LINGO2: variants seen among roughly 807,000 people sequenced by gnomAD.
LINGO2 encodes the protein leucine-rich repeat and immunoglobulin-like domain-containing nogo receptor-interacting protein 2.
Under a neutral mutation model 30.6 loss-of-function variants are expected in LINGO2, and 14 were observed. The ratio of observed to expected loss-of-function variants is 0.46; its 90% CI spans 0.30 to 0.72. The LOEUF is 0.72. LINGO2 is among the 30% of genes least tolerant of loss of function. The pLI, the probability that LINGO2 is intolerant of heterozygous loss-of-function variation, is 0.07. For missense variants in LINGO2, 729 were observed against 751.7 expected (o/e 0.97, Z 0.35); for synonymous variants, 317 against 288.5 (o/e 1.10, Z -1.00).
intron 3 of LINGO2, among the ~76,000 whole-genome samples, chr9:28,371,903 T>G (rs1564156742): frequency 6.6e-6 from 1 of 152,114 alleles, no homozygotes; most frequent in Non-Finnish European, 1.5e-5. Flanking sequence ...CCTGTTAGAA[T>G]AGGTGAAGGT....
the LINGO2 span, among the ~76,000 whole-genome samples, chr9:28,995,029 T>G: frequency 6.6e-6 from 1 of 151,724 alleles, no homozygotes; most frequent in Admixed American, 6.6e-5. Flanking sequence ...GGGATCTAAT[T>G]AAACTAAAGA....
At chr9:28,630,891 GAAA>G (rs66593842) in intron 1 of LINGO2, among the ~76,000 whole-genome samples, 1 of 140,430 alleles carries the variant, frequency 7.1e-6, no homozygotes, top group South Asian at 2.3e-4. Flanking sequence ...TGCACATAAA[GAAA>G]AAAAAAAAAG....
chr9:28,003,382 GATAT>G (rs1221269474), intron 5 of LINGO2, among the ~76,000 whole-genome samples: 101 of 137,088 alleles, frequency 7.4e-4, no homozygotes, highest in Middle Eastern at 3.6e-3. Context: ...TAGATAGATA[GATAT>G]AGAGAGAGAG....
At chr9:28,351,710 T>C (rs1819901839) in intron 3 of LINGO2, among the ~76,000 whole-genome samples, 1 of 151,784 alleles carries the variant, frequency 6.6e-6, no homozygotes, top group African/African-American at 2.4e-5. Context: ...AAGAGAATTT[T>C]AGACCAATAT....
intron 1 of LINGO2, among the ~76,000 whole-genome samples, chr9:28,607,760 C>G (rs547422452): frequency 6.6e-6 from 1 of 152,072 alleles, no homozygotes; most frequent in South Asian, 2.1e-4. Flanking sequence ...CCTAGTTGGT[C>G]ATGGGTCAAT....
chr9:29,044,605 A>G, the LINGO2 span, among the ~76,000 whole-genome samples: 1 of 152,128 alleles, frequency 6.6e-6, no homozygotes, highest in Non-Finnish European at 1.5e-5. Context: ...AATTTATTGT[A>G]AAGGGATATT....
the LINGO2 span, among the ~76,000 whole-genome samples, chr9:29,127,117 A>G: frequency 1.3e-5 from 2 of 152,124 alleles, no homozygotes; most frequent in African/African-American, 4.8e-5. Flanking sequence ...GGTATAACCA[A>G]GTAACCAACG....
intron 4 of LINGO2, among the ~76,000 whole-genome samples, chr9:28,047,985 A>G (rs1240669019): frequency 6.7e-6 from 1 of 150,098 alleles, no homozygotes; most frequent in Non-Finnish European, 1.5e-5. Flanking sequence ...GAAAAGTGTG[A>G]CTGTAATAGA....
At chr9:28,033,657 A>T (rs1010171098) in intron 4 of LINGO2, among the ~76,000 whole-genome samples, 1 of 152,188 alleles carries the variant, frequency 6.6e-6, no homozygotes, top group Non-Finnish European at 1.5e-5. Context: ...GCAAAAAAAA[A>T]ATTACTTCAA....
intron 1 of LINGO2, among the ~76,000 whole-genome samples, chr9:28,636,518 A>G (rs1286636089): frequency 6.6e-6 from 1 of 152,150 alleles, no homozygotes. Flanking sequence ...TTGCCATTCT[A>G]ACTGGTGTGA....
In LINGO2 at chr9:28,304,502, T is replaced by G. The variant is rs73431348; in HGVS notation, c.-245-9136A>C. Among the ~76,000 whole-genome samples, 1,277 of 152,098 alleles carry G rather than the reference T, an allele frequency of 8.4e-3. 23 individuals are homozygous for G. The highest frequency in any genetic ancestry group is 0.029 in the African/African-American group (1,215 of 41,538). ...CCTGAAACCAACACTTAAATCAGGATATAGAATATTTCTGCACCCCAGAAA... is the reference window on the plus strand; with the variant it reads ...CCTGAAACCAACACTTAAATCAGGAGATAGAATATTTCTGCACCCCAGAAA... On this transcript the variant is annotated intron_variant, in intron 3 of 5. Transcript: ENST00000379992.
At chr9:29,154,449 C>CA in the LINGO2 span, among the ~76,000 whole-genome samples, 23,877 of 95,302 alleles carry the variant, frequency 0.25, 2,846 homozygotes, top group South Asian at 0.31. Flanking sequence ...GACTCCGTCT[C>CA]AAAAAAAAAA....
At chr9:28,989,957 G>A in the LINGO2 span, among the ~76,000 whole-genome samples, 7 of 152,294 alleles carry the variant, frequency 4.6e-5, no homozygotes, top group South Asian at 2.1e-4. Flanking sequence ...AGCTCCCAGC[G>A]TGAGCGACGC....
At chr9:28,789,539 T>C in the LINGO2 span, among the ~76,000 whole-genome samples, 1 of 152,198 alleles carries the variant, frequency 6.6e-6, no homozygotes, top group Non-Finnish European at 1.5e-5. Context: ...TCCCTTTCCA[T>C]GGCTGATTGG....
intron 3 of LINGO2, among the ~76,000 whole-genome samples, chr9:28,339,211 T>A (rs1587492446): frequency 4.3e-5 from 4 of 93,960 alleles, no homozygotes; most frequent in Non-Finnish European, 9.0e-5. Flanking sequence ...ACAAATAAAA[T>A]TAATGGATTA....
the LINGO2 span, among the ~76,000 whole-genome samples, chr9:28,711,827 C>A: frequency 1.3e-5 from 2 of 152,050 alleles, no homozygotes; most frequent in Non-Finnish European, 2.9e-5. Flanking sequence ...GTGCCTTGCC[C>A]AGATAAGAAC....
chr9:28,586,848 T>A (rs962074218), intron 1 of LINGO2, among the ~76,000 whole-genome samples: 5 of 152,016 alleles, frequency 3.3e-5, no homozygotes, highest in South Asian at 4.1e-4. Flanking sequence ...GAGGAGGTAT[T>A]TAAAAAAACA....
chr9:28,085,961 A>T (rs1825901587), intron 4 of LINGO2, among the ~76,000 whole-genome samples: 1 of 152,052 alleles, frequency 6.6e-6, no homozygotes, highest in Non-Finnish European at 1.5e-5. Context: ...GTAAGGTTTC[A>T]CTTACACGAA....
At chr9:28,046,730 T>C (rs558196606) in intron 4 of LINGO2, among the ~76,000 whole-genome samples, 2 of 151,908 alleles carry the variant, frequency 1.3e-5, no homozygotes, top group South Asian at 4.1e-4. Flanking sequence ...TTATTCCACA[T>C]ATCTCCTCTT....
Sources: gnomAD v4.1 joint callset for allele counts (sites outside exome capture counted in the v4.1 genomes callset) on GRCh38, gnomAD v4.1.1 for gene constraint, MANE v1.5 for transcripts, NCBI Gene and HGNC (gene_info 2026-07-23, HGNC 2026-07-21) for gene names.